Variants in SLC24A2 observed in about 807,000 individuals in gnomAD.
SLC24A2 encodes solute carrier family 24 member 2, also known as sodium/potassium/calcium exchanger 2.
In SLC24A2, 36 loss-of-function variants were observed where a neutral mutation model predicts 62.0. The ratio of observed to expected loss-of-function variants is 0.58; its 90% CI spans 0.44 to 0.77. The LOEUF is 0.77. SLC24A2 is among the 30% of genes least tolerant of loss of function. SLC24A2 has a pLI of 0.00. For synonymous variants in SLC24A2, 358 were observed against 294.0 expected, an observed-to-expected ratio of 1.22 and a Z score of -2.23; for missense variants, 846 against 817.9, an observed-to-expected ratio of 1.03 and a Z score of -0.42.
At chr9:19,588,314 G>A (rs937061993) in intron 5 of SLC24A2, among the ~76,000 whole-genome samples, 2 of 151,874 alleles carry the variant, frequency 1.3e-5, no homozygotes, top group Non-Finnish European at 2.9e-5. Flanking sequence ...AAGATAGCAC[G>A]ATATTGGAAA....
the SLC24A2 span, among the ~76,000 whole-genome samples, chr9:19,900,142 C>A: frequency 6.6e-6 from 1 of 152,176 alleles, no homozygotes. Context: ...CTGTGCTCTG[C>A]CCTAGAATGC....
the SLC24A2 span, among the ~76,000 whole-genome samples, chr9:20,118,213 T>C: frequency 5.3e-5 from 8 of 152,088 alleles, no homozygotes; most frequent in African/African-American, 1.9e-4. Context: ...TCTTTAATTA[T>C]TTATTGCACA....
the SLC24A2 span, among the ~76,000 whole-genome samples, chr9:20,129,698 T>A: frequency 2.0e-5 from 3 of 152,040 alleles, no homozygotes; most frequent in African/African-American, 7.2e-5. Context: ...GTTTTGTGAA[T>A]TGATTTACAT....
At chr9:19,677,599 T>C (rs528906813) in intron 2 of SLC24A2, among the ~76,000 whole-genome samples, 7 of 152,294 alleles carry the variant, frequency 4.6e-5, no homozygotes, top group Admixed American at 3.3e-4. Context: ...AGTTTTTCAT[T>C]AGAAAATTCA....
chr9:19,762,270 C>T (rs1564086367), intron 2 of SLC24A2, among the ~76,000 whole-genome samples: 2 of 152,172 alleles, frequency 1.3e-5, no homozygotes, highest in African/African-American at 4.8e-5. Context: ...CCTGTTCACA[C>T]CGATGATAGT....
At chr9:20,008,681 G>C in the SLC24A2 span, among the ~76,000 whole-genome samples, 85 of 152,206 alleles carry the variant, frequency 5.6e-4, 1 homozygote, top group African/African-American at 2.0e-3. Context: ...GCTATCTTCA[G>C]AGACTCTAGG....
the SLC24A2 span, among the ~76,000 whole-genome samples, chr9:20,032,251 C>G: frequency 1.3e-5 from 2 of 152,194 alleles, no homozygotes; most frequent in Non-Finnish European, 2.9e-5. Flanking sequence ...CCTTAATTCT[C>G]TCTGTTACAA....
chr9:19,955,824 A>T, the SLC24A2 span, among the ~76,000 whole-genome samples: 1 of 152,210 alleles, frequency 6.6e-6, no homozygotes, highest in Non-Finnish European at 1.5e-5. Flanking sequence ...GACTATAACT[A>T]TAGTTACTAT....
chr9:20,194,619 C>G, the SLC24A2 span, among the ~76,000 whole-genome samples: 4 of 152,080 alleles, frequency 2.6e-5, no homozygotes, highest in East Asian at 7.7e-4. Flanking sequence ...CTAAGAACTC[C>G]TTTGTATAGC....
chr9:19,845,008 G>T, the SLC24A2 span, among the ~76,000 whole-genome samples: 1 of 149,624 alleles, frequency 6.7e-6, no homozygotes, highest in Non-Finnish European at 1.5e-5. Context: ...CTCTTTTTTG[G>T]TTCCATATAA....
chr9:19,809,473 A>T, the SLC24A2 span, among the ~76,000 whole-genome samples: 1 of 152,256 alleles, frequency 6.6e-6, no homozygotes, highest in East Asian at 1.9e-4. Context: ...GAGGGTATGG[A>T]AGCCCTCCGT....
the SLC24A2 span, among the ~76,000 whole-genome samples, chr9:19,957,238 T>G: frequency 6.6e-6 from 1 of 151,264 alleles, no homozygotes; most frequent in Admixed American, 6.6e-5. Context: ...TCAAAGCCAG[T>G]TGTGTCTCTA....
At chr9:19,799,490 T>G in the SLC24A2 span, among the ~76,000 whole-genome samples, 1 of 152,206 alleles carries the variant, frequency 6.6e-6, no homozygotes, top group Non-Finnish European at 1.5e-5. Flanking sequence ...TGCCTGCACT[T>G]AGCTCATGAA....
chr9:20,226,648 A>G, the SLC24A2 span, among the ~76,000 whole-genome samples: 83,652 of 151,826 alleles, frequency 0.55, 25,400 homozygotes, highest in East Asian at 0.86. Flanking sequence ...ACCTGACATG[A>G]AGCTGGAGCA....
chr9:19,897,690 C>G, the SLC24A2 span, among the ~76,000 whole-genome samples: 3 of 152,050 alleles, frequency 2.0e-5, no homozygotes, highest in Non-Finnish European at 4.4e-5. Context: ...TAAATCGTTC[C>G]CATTTTATCG....
the SLC24A2 span, among the ~76,000 whole-genome samples, chr9:20,021,589 T>A: frequency 2.6e-3 from 399 of 152,072 alleles, 3 homozygotes; most frequent in African/African-American, 9.0e-3. Context: ...AGCAGAATCA[T>A]CATGGCAGTA....
Position 19,649,013 on chromosome 9 carries a change from A to AAC in SLC24A2, c.931-26715_931-26714insGT, listed in dbSNP as rs1554691783. On this transcript the variant is annotated intron_variant, in intron 2 of 10. Transcript: ENST00000341998. ...TTTGATTAAAAACCAAAAAAAAAAA[A>AAC]AAAAAACAAAAAACCCAGTAATTCT... is the stretch of plus-strand genomic sequence containing the variant. 4.8e-4 allele frequency among the ~76,000 whole-genome samples: 72 copies of AAC among 148,838 alleles called. No individual in the cohort carries two copies. In the East Asian group the frequency reaches 5.2e-3, roughly 11 times the overall value.
the SLC24A2 span, among the ~76,000 whole-genome samples, chr9:20,206,859 C>G: frequency 9.1e-6 from 1 of 110,436 alleles, no homozygotes; most frequent in East Asian, 2.5e-4. Context: ...GATATATAAC[C>G]CTCATAAAAA....
chr9:19,651,525 A>G (rs1301742855), intron 2 of SLC24A2, among the ~76,000 whole-genome samples: 1 of 151,834 alleles, frequency 6.6e-6, no homozygotes, highest in Non-Finnish European at 1.5e-5. Flanking sequence ...CAGCAAGGAA[A>G]TATGGTTTGC....
Sources: allele counts gnomAD v4.1 joint callset (sites outside exome capture counted in the v4.1 genomes callset), GRCh38; gene constraint gnomAD v4.1.1; transcripts MANE v1.5; gene names NCBI Gene and HGNC (gene_info 2026-07-23, HGNC 2026-07-21).